Variants in RAB3IP observed in about 807,000 individuals in gnomAD.
RAB3IP encodes RAB3A interacting protein.
A neutral mutation model predicts 59.1 loss-of-function variants in RAB3IP; 36 were observed. The ratio of observed to expected loss-of-function variants is 0.61; its 90% confidence interval spans 0.47 to 0.80. The LOEUF is 0.80. RAB3IP is among the 30% of genes least tolerant of loss of function. The pLI, the probability that RAB3IP is intolerant of heterozygous loss-of-function variation, is 0.00. For missense variants in RAB3IP, 511 were observed against 536.0 expected, an observed-to-expected ratio of 0.95 and a Z score of 0.46; for synonymous variants, 207 against 191.2, an observed-to-expected ratio of 1.08 and a Z score of -0.68.
chr12:69,800,310 T>C lies in RAB3IP; in HGVS notation c.990T>C (p.Phe330=), dbSNP rs772315500. The change falls in exon 7 of 11, where the codon TTT becomes TTC. Residue 330 remains phenylalanine (F), a synonymous_variant. Transcript: ENST00000247833. ...FLDKIYQEDI[F]PCLTFSKSEL... ...ACAAAATCTACCAGGAAGATATCTT[T>C]CCATGTTTAACATTCTCAAAAAGTG... The C allele has an allele frequency of 5.0e-6, 8 of 1,588,218 alleles. No homozygotes were observed. The highest frequency in any genetic ancestry group is 4.6e-5 in the East Asian group (2 of 43,904).
At chr12:69,758,152 A>G (rs1870522525) in intron 3 of RAB3IP, among the ~76,000 whole-genome samples, 1 of 152,214 alleles carries the variant, frequency 6.6e-6, no homozygotes, top group Non-Finnish European at 1.5e-5. Flanking sequence ...CTTTAGTCTT[A>G]TCTTAAGAGA....
In RAB3IP at chr12:69,795,316, T is replaced by C. The variant is rs745571164; in HGVS notation, c.860T>C (p.Ile287Thr). Residue 287 changes from isoleucine (I) to threonine (T), a missense_variant, in exon 6 of 11, where the codon ATA becomes ACA. Coordinates refer to ENST00000247833, the MANE Select transcript of RAB3IP (RefSeq NM_022456.5). ...GGCAGTCATCAGGACCTCAGTGTGA[T>C]ACAGCCAATTGTAAAAGACTGCAAA... ...MSGSHQDLSV[I>T]QPIVKDCKEA... is the part of the protein sequence containing the mutation. The C allele has an allele frequency of 6.2e-7, 1 of 1,613,996 alleles. No homozygotes were observed. The highest frequency in any genetic ancestry group is 1.7e-5 in the Admixed American group (1 of 59,996).
chr12:69,767,781 G>A (rs2136164355), intron 3 of RAB3IP, among the ~76,000 whole-genome samples: 1 of 148,600 alleles, frequency 6.7e-6, no homozygotes, highest in African/African-American at 2.5e-5. Flanking sequence ...CTGGGCATGT[G>A]ACAGAACCTG....
At chr12:69,786,651 A>T (rs17813683) in intron 4 of RAB3IP, among the ~76,000 whole-genome samples, 2 of 152,120 alleles carry the variant, frequency 1.3e-5, no homozygotes, top group African/African-American at 4.8e-5. Context: ...TTTCCTGACT[A>T]CTTGCATTTA....
rs892633678 is a variant in RAB3IP, at chr12:69,798,026, T to G, written c.889-2183T>G. 5.2e-4 allele frequency among the ~76,000 whole-genome samples: 79 copies of G among 152,340 alleles called. 1 individual carries two copies. Among genetic ancestry groups the G allele is most frequent in the South Asian group, 2.5e-3 (12 of 4,826 alleles). On this transcript the variant is annotated intron_variant, in intron 6 of 10. Coordinates refer to ENST00000247833, the MANE Select transcript of RAB3IP (RefSeq NM_022456.5). ...TATAGCAGCATGATTTATAGTCCTT[T>G]GGGTATATACCCAGTAATGGGATGG...
intron 1 of RAB3IP, among the ~76,000 whole-genome samples, chr12:69,753,508 C>T (rs1188068366): frequency 1.3e-5 from 2 of 152,060 alleles, no homozygotes; most frequent in African/African-American, 4.8e-5. Context: ...GCCACCATGC[C>T]CAGCTAATTT....
intron 1 of RAB3IP, among the ~76,000 whole-genome samples, chr12:69,754,867 G>C (rs530272296): frequency 6.6e-6 from 1 of 152,140 alleles, no homozygotes; most frequent in African/African-American, 2.4e-5. Flanking sequence ...ATAGTATACT[G>C]AGATAATTTA....
At chr12:69,806,345 C>T (rs1459545777) in intron 8 of RAB3IP, among the ~76,000 whole-genome samples, 3 of 151,954 alleles carry the variant, frequency 2.0e-5, no homozygotes, top group Non-Finnish European at 2.9e-5. Context: ...TGGTGATATC[C>T]CCTTTATCAT....
chr12:69,760,660 T>C (rs1399578411), intron 3 of RAB3IP, among the ~76,000 whole-genome samples: 1 of 152,234 alleles, frequency 6.6e-6, no homozygotes, highest in Non-Finnish European at 1.5e-5. Flanking sequence ...TTGAAAGATA[T>C]TTTCACTGAG....
chr12:69,801,659 A>C lies in RAB3IP; in HGVS notation c.1068A>C (p.Glu356Asp), dbSNP rs61758770. 2 of 1,613,080 alleles carry C rather than the reference A, an allele frequency of 1.2e-6. No individual in the cohort carries two copies. Among genetic ancestry groups the C allele is most frequent in the African/African-American group, 2.7e-5 (2 of 74,854 alleles). ...TGGAAAACAATACTCTAAGCATTGA[A>C]CCAGTGGGATTACAACCTATCCGGT... ...EAVENNTLSI[E>D]PVGLQPIRFV... The change falls in exon 8 of 11, where the codon GAA becomes GAC. Residue 356 changes from glutamate to aspartate, a missense_variant. Coordinates refer to ENST00000247833, the MANE Select transcript of RAB3IP (RefSeq NM_022456.5).
chr12:69,765,397 G>T (rs1016838043), intron 3 of RAB3IP, among the ~76,000 whole-genome samples: 1 of 152,076 alleles, frequency 6.6e-6, no homozygotes, highest in East Asian at 1.9e-4. Flanking sequence ...TGAGATGATC[G>T]TATGGCTTTT....
chr12:69,802,154 A>G (rs180692418), intron 8 of RAB3IP, among the ~76,000 whole-genome samples: 119 of 150,768 alleles, frequency 7.9e-4, no homozygotes, highest in African/African-American at 2.1e-3. Flanking sequence ...AATTTTTTTT[A>G]TTACACGTAT....
At chr12:69,793,119 T>G (rs1407879429) in intron 4 of RAB3IP, among the ~76,000 whole-genome samples, 1 of 152,238 alleles carries the variant, frequency 6.6e-6, no homozygotes, top group African/African-American at 2.4e-5. Flanking sequence ...TTTGTTATTT[T>G]TAAAAGGAGA....
At chr12:69,790,445 T>C (rs1257132751) in intron 4 of RAB3IP, among the ~76,000 whole-genome samples, 4 of 152,206 alleles carry the variant, frequency 2.6e-5, no homozygotes, top group Non-Finnish European at 5.9e-5. Context: ...GTTCATTGGT[T>C]GGAAGAATTA....
At position 69,821,059 on chromosome 12, in the gene RAB3IP, C is replaced by A; in HGVS notation, c.*5613C>A. ...CTAAAGGCAGCTTCTCAAGGGAGCA[C>A]AAGTTCACACACAGTTTACTTTTGG... On this transcript the variant is annotated 3_prime_UTR_variant, in exon 11 of 11. Transcript: ENST00000247833. The A allele has an allele frequency of 6.6e-6, 1 of 151,964 alleles. No homozygotes were observed. Among genetic ancestry groups the A allele is most frequent in the East Asian group, 1.9e-4 (1 of 5,188 alleles). 9.4% of individuals were successfully genotyped at this position (151,964 alleles called of 1,614,324 possible).
intron 3 of RAB3IP, among the ~76,000 whole-genome samples, chr12:69,772,059 G>A (rs898133086): frequency 6.6e-6 from 1 of 152,108 alleles, no homozygotes. Flanking sequence ...TACTGTTATT[G>A]TATGACAGTC....
intron 1 of RAB3IP, among the ~76,000 whole-genome samples, chr12:69,745,083 A>G (rs944279638): frequency 1.3e-5 from 2 of 152,210 alleles, no homozygotes; most frequent in African/African-American, 4.8e-5. Flanking sequence ...TAATGAACCT[A>G]AAAGTTTCCA....
intron 6 of RAB3IP, among the ~76,000 whole-genome samples, chr12:69,799,610 C>A (rs143145128): frequency 6.6e-6 from 1 of 151,822 alleles, no homozygotes. Context: ...GAAGGCTTTA[C>A]GTATTCTTTT....
chr12:69,738,934 C>G lies in RAB3IP; in HGVS notation c.-123C>G, dbSNP rs1214508627. ...CCGCCGTGGAGTGTAGCGGAAAGGG[C>G]TCGCCGTCCTCCTCCGTTTCTCGCT... On this transcript the variant is annotated 5_prime_UTR_variant, in exon 1 of 11. Coordinates refer to ENST00000247833, the MANE Select transcript of RAB3IP (RefSeq NM_022456.5). 1 of 152,076 alleles carries G rather than the reference C, an allele frequency of 6.6e-6. No individual in the cohort carries two copies. The highest frequency in any genetic ancestry group is 1.5e-5 in the Non-Finnish European group (1 of 68,026). 9.4% of individuals were successfully genotyped at this position (152,076 alleles called of 1,614,324 possible). A position where few individuals can be genotyped will look rare whatever the true frequency, so the allele number is the denominator to read the frequency against.
Sources: gnomAD v4.1 joint callset for allele counts (sites outside exome capture counted in the v4.1 genomes callset) on GRCh38, gnomAD v4.1.1 for gene constraint, MANE v1.5 for transcripts, NCBI Gene and HGNC (gene_info 2026-07-23, HGNC 2026-07-21) for gene names.